Variants in ENAH observed in about 807,000 individuals in gnomAD.
ENAH encodes the protein protein enabled homolog.
In ENAH, 23 loss-of-function variants were observed where a neutral mutation model predicts 78.7. The ratio of observed to expected loss-of-function variants is 0.29; its 90% CI spans 0.21 to 0.41. The LOEUF (loss-of-function observed/expected upper bound fraction) is 0.41, where lower values mean the gene tolerates loss of function less well. Ranked by LOEUF, ENAH falls within the 10% of genes least tolerant of loss-of-function variation. The pLI, the probability that ENAH is intolerant of heterozygous loss-of-function variation, is 1.00. For synonymous variants in ENAH, 226 were observed against 241.0 expected (o/e 0.94, Z 0.58); for missense variants, 544 against 691.0 (o/e 0.79, Z 2.39).
rs192502132 is a variant in ENAH, at chr1:225,626,988, C to T, written c.5+25698G>A. ...AAGTACATATCATATGAGAAAAACACACAAATAAAATCCTCTAGTGAGAAT... is the reference window on the plus strand; with the variant it reads ...AAGTACATATCATATGAGAAAAACATACAAATAAAATCCTCTAGTGAGAAT... On this transcript the variant is annotated intron_variant, in intron 1 of 13. Coordinates refer to ENST00000366843, the MANE Select transcript of ENAH (RefSeq NM_018212.6). Among the ~76,000 whole-genome samples, 241 of 152,230 alleles carry T rather than the reference C, an allele frequency of 1.6e-3. 1 individual carries two copies. The highest frequency in any genetic ancestry group is 2.9e-3 in the Non-Finnish European group (197 of 68,014).
intron 1 of ENAH, among the ~76,000 whole-genome samples, chr1:225,615,869 C>T (rs1444628734): frequency 6.8e-6 from 1 of 148,122 alleles, no homozygotes; most frequent in Non-Finnish European, 1.5e-5. Context: ...ATGACGATGG[C>T]GGTTTTGTCG....
chr1:225,608,605 C>G (rs1575703369), intron 1 of ENAH, among the ~76,000 whole-genome samples: 3 of 151,794 alleles, frequency 2.0e-5, no homozygotes, highest in South Asian at 2.1e-4. Context: ...TACCTGAGGT[C>G]AGGAGCTCGA....
At chr1:225,604,941 TA>T in intron 1 of ENAH, among the ~76,000 whole-genome samples, 1 of 152,164 alleles carries the variant, frequency 6.6e-6, no homozygotes, top group East Asian at 1.9e-4. Context: ...GAGAAAACAG[TA>T]ATGTTAGAGT....
At chr1:225,556,525 C>T (rs1392294016) in intron 2 of ENAH, among the ~76,000 whole-genome samples, 8 of 152,072 alleles carry the variant, frequency 5.3e-5, no homozygotes, top group Non-Finnish European at 8.8e-5. Context: ...CCATTTTTCT[C>T]CTGAGTTGTC....
intron 3 of ENAH, chr1:225,535,669 C>G: frequency 2.1e-6 from 1 of 480,754 alleles, no homozygotes; most frequent in East Asian, 7.2e-5. Flanking sequence ...TGTATTTATA[C>G]ATACGTCCTA....
At chr1:225,581,937 C>G (rs1360216022) in intron 1 of ENAH, among the ~76,000 whole-genome samples, 2 of 151,560 alleles carry the variant, frequency 1.3e-5, no homozygotes, top group African/African-American at 4.9e-5. Context: ...TGAGCTCAAG[C>G]AATCCTCATC....
intron 11 of ENAH, among the ~76,000 whole-genome samples, chr1:225,504,686 C>CT (rs2096311960): frequency 6.6e-6 from 1 of 152,160 alleles, no homozygotes; most frequent in African/African-American, 2.4e-5. Context: ...TTCTATTCAA[C>CT]TTTTTTGAAA....
chr1:225,548,210 CT>C (rs74723965), intron 3 of ENAH, among the ~76,000 whole-genome samples: 93 of 144,172 alleles, frequency 6.5e-4, no homozygotes, highest in Admixed American at 2.1e-3. Flanking sequence ...TTTTCATTTT[CT>C]TTTTTTTTTT....
At chr1:225,503,104 T>C (rs1297053455) in intron 11 of ENAH, among the ~76,000 whole-genome samples, 1 of 152,160 alleles carries the variant, frequency 6.6e-6, no homozygotes, top group Non-Finnish European at 1.5e-5. Context: ...TAATTCATGC[T>C]AACATGCAAT....
chr1:225,586,960 T>G (rs2096850677), intron 1 of ENAH, among the ~76,000 whole-genome samples: 1 of 150,612 alleles, frequency 6.6e-6, no homozygotes. Flanking sequence ...GGGGTGGGGT[T>G]GGCTGGGGGA....
At chr1:225,590,443 CA>C (rs769081864) in intron 1 of ENAH, among the ~76,000 whole-genome samples, 3 of 145,730 alleles carry the variant, frequency 2.1e-5, no homozygotes, top group Admixed American at 6.9e-5. Flanking sequence ...TAGCCTGTCT[CA>C]AAAAAAAAGA....
At chr1:225,582,546 T>TA (rs937826108) in intron 1 of ENAH, among the ~76,000 whole-genome samples, 2 of 152,048 alleles carry the variant, frequency 1.3e-5, no homozygotes, top group African/African-American at 4.8e-5. Flanking sequence ...AGCTTAAAGA[T>TA]AAAAGGATAG....
intron 1 of ENAH, among the ~76,000 whole-genome samples, chr1:225,648,698 T>A (rs1662416697): frequency 6.6e-6 from 1 of 151,744 alleles, no homozygotes; most frequent in South Asian, 2.1e-4. Flanking sequence ...ATTTGTATCC[T>A]TTCATGGATA....
intron 1 of ENAH, among the ~76,000 whole-genome samples, chr1:225,598,525 T>C (rs543168563): frequency 2.3e-4 from 30 of 132,024 alleles, no homozygotes; most frequent in African/African-American, 7.4e-4. Flanking sequence ...AAAGAGAAGA[T>C]AGTAACATTA....
chr1:225,586,215 C>T (rs115236700), intron 1 of ENAH, among the ~76,000 whole-genome samples: 6,065 of 124,958 alleles, frequency 0.049, 196 homozygotes, highest in South Asian at 0.13. Flanking sequence ...GGTTGCACCA[C>T]TGCACTCCAG....
In ENAH at chr1:225,518,104, C is replaced by CA. The variant is rs555647567; in HGVS notation, c.803-799dup. The CA allele has an allele frequency of 1.3e-4, 107 of 831,108 alleles. 1 individual carries two copies. In the South Asian group the frequency reaches 1.9e-3, roughly 15 times the overall value. The allele number at this position is 831,108 out of a possible 1,614,324, so 51.5% of individuals were successfully genotyped here. On this transcript the variant is annotated intron_variant, in intron 5 of 13. Coordinates refer to ENST00000366843, the MANE Select transcript of ENAH (RefSeq NM_018212.6). Reference sequence around the variant, plus strand: ...AGACACAATGTATAAATGTAGACTACAGTTAGTATCAGAGAATTAGGCACA... The same window carrying CA: ...AGACACAATGTATAAATGTAGACTACAAGTTAGTATCAGAGAATTAGGCACA...
intron 1 of ENAH, among the ~76,000 whole-genome samples, chr1:225,615,772 G>A (rs2097026681): frequency 3.4e-5 from 5 of 146,840 alleles, no homozygotes; most frequent in African/African-American, 5.1e-5. Flanking sequence ...CTGCCCGGCC[G>A]CCCCGTCTGA....
At chr1:225,572,561 C>A (rs2096768565) in intron 1 of ENAH, among the ~76,000 whole-genome samples, 3 of 152,126 alleles carry the variant, frequency 2.0e-5, no homozygotes, top group Admixed American at 6.5e-5. Flanking sequence ...AATGCTTAGC[C>A]AAGGGCCTGC....
chr1:225,500,915 T>C (rs2096278667), intron 12 of ENAH, 77 bp downstream of exon 12: 3 of 1,276,966 alleles, frequency 2.3e-6, no homozygotes, highest in East Asian at 2.3e-5. Context: ...TCAGGATCCA[T>C]GTCAAAGATA....
Sources: allele counts gnomAD v4.1 joint callset (sites outside exome capture counted in the v4.1 genomes callset), GRCh38; gene constraint gnomAD v4.1.1; transcripts MANE v1.5; gene names NCBI Gene and HGNC (gene_info 2026-07-23, HGNC 2026-07-21).